The following LRRC43 variants were observed in gnomAD, a reference collection of about 807,000 sequenced individuals.
The protein encoded by LRRC43 is leucine rich repeat containing 43, also known as leucine-rich repeat-containing protein 43.
LRRC43 carries 62 observed loss-of-function variants against 64.3 expected under a neutral mutation model. That is an observed-to-expected ratio of 0.96 (90% CI 0.79 to 1.19). The LOEUF (loss-of-function observed/expected upper bound fraction) is 1.19. Among genes scored for constraint, LRRC43 ranks in the 50% most tolerant of loss-of-function variants. LRRC43 has a pLI of 0.00. For missense variants in LRRC43, 868 were observed against 845.0 expected, an observed-to-expected ratio of 1.03 and a Z score of -0.34; for synonymous variants, 422 against 382.3, an observed-to-expected ratio of 1.10 and a Z score of -1.21.
rs1197095195 is a variant in LRRC43, at chr12:122,183,138, C to T, written c.-7C>T. The stretch of plus-strand genomic sequence containing the variant: ...CCTAGCGGTTGCCGGGCAACGCGGC[C>T]CGGGCCATGGAGGCGTCGTACGAGT... On this transcript the variant is annotated 5_prime_UTR_variant, in exon 1 of 12. Transcript: ENST00000339777. The T allele has an allele frequency of 1.2e-5, 19 of 1,537,398 alleles. No homozygotes were observed. Among genetic ancestry groups the T allele is most frequent in the Non-Finnish European group, 1.6e-5 (18 of 1,147,928 alleles).
Position 122,200,406 on chromosome 12 carries a change from C to T in LRRC43, c.1491+76C>T. On this transcript the variant is annotated intron_variant, in intron 8 of 11. Transcript: ENST00000339777. This position sits in a 1 kb window ranked among gnomAD's most constrained non-coding sequence, Gnocchi z 4.6. ...TTGTTCCTGTTCCCATCGGGCTGTC[C>T]CCCATGGGAGCCGCACTCCCTGGTT... The T allele has an allele frequency of 1.2e-6, 2 of 1,607,574 alleles. No individual in the cohort carries two copies. The highest frequency in any genetic ancestry group is 1.7e-6 in the Non-Finnish European group (2 of 1,176,438).
chr12:122,197,889 T>C (rs947533354), intron 7 of LRRC43, among the ~76,000 whole-genome samples: 5 of 152,314 alleles, frequency 3.3e-5, no homozygotes, highest in African/African-American at 4.8e-5. Context: ...TTCATGTACA[T>C]ATGTTATCAC....
At chr12:122,175,845 T>G (rs61955585) in intron 1 of LRRC43, among the ~76,000 whole-genome samples, 18,024 of 152,024 alleles carry the variant, frequency 0.12, 1,416 homozygotes, top group Admixed American at 0.23. Context: ...TTTTGTATTT[T>G]TAGTAGAGAC....
intron 1 of LRRC43, among the ~76,000 whole-genome samples, chr12:122,167,956 AG>A: frequency 6.6e-6 from 1 of 151,648 alleles, no homozygotes; most frequent in Admixed American, 6.6e-5. Flanking sequence ...CTGAAACTAC[AG>A]GTGTGCACCA....
chr12:122,186,171 T>C lies in LRRC43; in HGVS notation c.412-19T>C, dbSNP rs1474192634. ...TCCCTCTCCTGCTACAGCCCTCAGC[T>C]TCCTCTCCCCTCTTCCAGGTCACCC... On this transcript the variant is annotated intron_variant, in intron 2 of 11. Transcript: ENST00000339777. 1 of 1,459,010 alleles carries C rather than the reference T, an allele frequency of 6.9e-7. No individual in the cohort carries two copies. Among genetic ancestry groups the C allele is most frequent in the South Asian group, 1.2e-5 (1 of 82,802 alleles). 90.4% of individuals were successfully genotyped at this position (1,459,010 alleles called of 1,614,324 possible).
chr12:122,188,901 A>G (rs1033018739), intron 4 of LRRC43, among the ~76,000 whole-genome samples: 1 of 152,120 alleles, frequency 6.6e-6, no homozygotes, highest in Non-Finnish European at 1.5e-5. Context: ...AGTTGTGACA[A>G]ACAAAAATGT....
chr12:122,191,283 A>T, intron 5 of LRRC43, 97 bp from the exon 6 acceptor site: 2 of 1,020,654 alleles, frequency 2.0e-6, no homozygotes, highest in African/African-American at 3.2e-5. Flanking sequence ...TGAGTGCTGG[A>T]GAGAATCTAG....
intron 1 of LRRC43, chr12:122,172,254 C>T (rs1953491700): frequency 1.7e-6 from 1 of 597,148 alleles, no homozygotes; most frequent in African/African-American, 1.9e-5. Context: ...CACAAATTCA[C>T]ATCTCAGCCC....
At chr12:122,195,249 G>A (rs1348745179) in intron 7 of LRRC43, among the ~76,000 whole-genome samples, 2 of 151,754 alleles carry the variant, frequency 1.3e-5, no homozygotes, top group African/African-American at 4.8e-5. Context: ...TGCTACCCCA[G>A]AACATTTTTT....
At chr12:122,201,381 G>A (rs1953837275) in intron 11 of LRRC43, 52 bp downstream of exon 11, 2 of 1,579,942 alleles carry the variant, frequency 1.3e-6, no homozygotes, top group South Asian at 2.2e-5. Flanking sequence ...AGGACCTGCT[G>A]AGGGCCAGCC....
In LRRC43 at chr12:122,200,824, C is replaced by T. The variant is rs776077263; in HGVS notation, c.1699C>T (p.Arg567Trp). The T allele has an allele frequency of 2.0e-5, 32 of 1,613,056 alleles. No homozygotes were observed. Among genetic ancestry groups the T allele is most frequent in the East Asian group, 4.5e-5 (2 of 44,886 alleles). ...QDPPILQVLGRGLVILEPLLA... is the reference protein window; with the variant it reads ...QDPPILQVLGWGLVILEPLLA... Reference sequence around the variant, plus strand: ...CCCCCCCATCCTCCAGGTGCTGGGCCGGGGCCTGGTGATCCTGGAGCCCCT... The same window carrying T: ...CCCCCCCATCCTCCAGGTGCTGGGCTGGGGCCTGGTGATCCTGGAGCCCCT... Residue 567 changes from arginine to tryptophan, a missense_variant, in exon 10 of 12, where the codon CGG (arginine) becomes TGG (tryptophan). Coordinates refer to ENST00000339777, the MANE Select transcript of LRRC43 (RefSeq NM_001098519.2). This position sits in a 1 kb window ranked among gnomAD's most constrained non-coding sequence, Gnocchi z 4.6.
At chr12:122,180,862 CAT>C (rs1953575323), upstream of LRRC43, among the ~76,000 whole-genome samples, 1 of 152,100 alleles carries the variant, frequency 6.6e-6, no homozygotes, top group African/African-American at 2.4e-5. Context: ...TTGCAGGAGC[CAT>C]ATCTGTGATT....
chr12:122,194,912 T>C (rs1953760152), intron 7 of LRRC43, among the ~76,000 whole-genome samples: 1 of 152,218 alleles, frequency 6.6e-6, no homozygotes, highest in South Asian at 2.1e-4. Context: ...TGCATTTTAT[T>C]CTAATTAGAA....
chr12:122,191,413 C>T lies in LRRC43; in HGVS notation c.935C>T (p.Thr312Ile). ...GCACAGGAGGCGCAGTTTGTGGTGA[C>T]CATCGGAAACATCAGAGGAGTCCTG... is the stretch of plus-strand genomic sequence containing the variant. ...LLAQEAQFVVTIGNIRGVLDT... is the reference protein window; with the variant it reads ...LLAQEAQFVVIIGNIRGVLDT... Residue 312 changes from threonine to isoleucine, a missense_variant, in exon 6 of 12, where the codon ACC (threonine) becomes ATC (isoleucine). By Grantham distance (89) the Thr-to-Ile change is moderately conservative. Transcript: ENST00000339777. The T allele has an allele frequency of 6.2e-7, 1 of 1,613,548 alleles. No homozygotes were observed. The highest frequency in any genetic ancestry group is 8.5e-7 in the Non-Finnish European group (1 of 1,179,800).
chr12:122,195,919 G>A (rs1010932150), intron 7 of LRRC43, among the ~76,000 whole-genome samples: 6 of 152,136 alleles, frequency 3.9e-5, no homozygotes, highest in African/African-American at 1.4e-4. Context: ...AACCTGGAGT[G>A]TTTACCAGGG....
intron 1 of LRRC43, among the ~76,000 whole-genome samples, chr12:122,175,543 A>T (rs1368216704): frequency 2.1e-5 from 3 of 143,942 alleles, no homozygotes; most frequent in African/African-American, 7.8e-5. Context: ...TCATTCTGTC[A>T]CCCAGGCCAG....
In LRRC43 at chr12:122,168,435, C is replaced by G. The variant is rs543926676; in HGVS notation, c.-406+653C>G. Among the ~76,000 whole-genome samples, 27 of 148,934 alleles carry G rather than the reference C, an allele frequency of 1.8e-4. 1 individual carries two copies. Among genetic ancestry groups the G allele is most frequent in the Non-Finnish European group, 2.5e-4 (17 of 67,396 alleles). On this transcript the variant is annotated intron_variant, in intron 1 of 5. Transcript: ENST00000537729. ...TAACCTGGGCAACAAAGGCAAAACT[C>G]TGTCTCAAAAAAAAAAAAAAAGAGG...
intron 1 of LRRC43, among the ~76,000 whole-genome samples, chr12:122,171,494 A>G (rs1953484722): frequency 1.3e-5 from 2 of 151,316 alleles, no homozygotes; most frequent in South Asian, 4.2e-4. Context: ...CCCAAGTAGC[A>G]CACCACCATG....
intron 1 of LRRC43, 130 bp downstream of exon 1, chr12:122,183,424 G>A: frequency 2.7e-6 from 3 of 1,103,146 alleles, no homozygotes; most frequent in Non-Finnish European, 2.4e-6. Context: ...ACATGGGGGC[G>A]GGTGGGGCTT....
Sources: allele counts gnomAD v4.1 joint callset (sites outside exome capture counted in the v4.1 genomes callset), GRCh38; gene constraint gnomAD v4.1.1; non-coding constraint Gnocchi (gnomAD v3.1); transcripts MANE v1.5; gene names NCBI Gene and HGNC (gene_info 2026-07-23, HGNC 2026-07-21).